DNAH7: variants seen among roughly 807,000 people sequenced by gnomAD.
The protein encoded by DNAH7 is dynein axonemal heavy chain 7.
Under a neutral mutation model 444.6 loss-of-function variants are expected in DNAH7, and 397 were observed. The observed-to-expected ratio is 0.89, with a 90% confidence interval of 0.82 to 0.97. The LOEUF is 0.97. Among genes scored for constraint, DNAH7 ranks in the 50% least tolerant of loss-of-function variants. The probability of loss-of-function intolerance (pLI) is 0.00; values close to 1 mark genes in which losing one functional copy is unlikely to be tolerated. For synonymous variants in DNAH7, 1,636 were observed against 1,624.4 expected, an observed-to-expected ratio of 1.01 and a Z score of -0.17; for missense variants, 4,902 against 4,800.8, an observed-to-expected ratio of 1.02 and a Z score of -0.62.
chr2:195,767,034 T>C (rs1171456395), intron 61 of DNAH7, among the ~76,000 whole-genome samples: 1 of 152,128 alleles, frequency 6.6e-6, no homozygotes, highest in Non-Finnish European at 1.5e-5. Flanking sequence ...TATGTTTGTT[T>C]TCTATTTCAT....
At chr2:195,963,144 G>A (rs1691225186) in intron 17 of DNAH7, among the ~76,000 whole-genome samples, 2 of 152,168 alleles carry the variant, frequency 1.3e-5, no homozygotes, top group African/African-American at 4.8e-5. Flanking sequence ...CGGGACTGCT[G>A]GATGATATGG....
chr2:195,885,917 C>T (rs1036709412), intron 34 of DNAH7, among the ~76,000 whole-genome samples: 1 of 152,212 alleles, frequency 6.6e-6, no homozygotes, highest in Admixed American at 6.5e-5. Flanking sequence ...GATGTGATCA[C>T]TGGGCTCCGC....
chr2:195,856,449 A>C (rs560718874), intron 44 of DNAH7, among the ~76,000 whole-genome samples: 1 of 152,302 alleles, frequency 6.6e-6, no homozygotes. Flanking sequence ...AAAAGGATGG[A>C]TCTAAATTCT....
chr2:195,931,461 C>A (rs1161746434), intron 21 of DNAH7, among the ~76,000 whole-genome samples: 2 of 151,684 alleles, frequency 1.3e-5, no homozygotes, highest in African/African-American at 4.9e-5. Context: ...CTTTTGTTGC[C>A]ATTGCTTTTG....
At chr2:195,743,545 A>G (rs1023088195) in intron 63 of DNAH7, among the ~76,000 whole-genome samples, 1 of 152,224 alleles carries the variant, frequency 6.6e-6, no homozygotes, top group African/African-American at 2.4e-5. Flanking sequence ...TAACAAAAAT[A>G]TGTCTAAAGT....
In DNAH7 at chr2:195,861,760, C is replaced by T. The variant is rs201185180; in HGVS notation, c.7693G>A (p.Glu2565Lys). 545 of 1,613,074 alleles carry T rather than the reference C, an allele frequency of 3.4e-4. No homozygotes were observed. The highest frequency in any genetic ancestry group is 2.8e-3 in the Middle Eastern group (17 of 6,058). ...AACAGTTTGAAGGTGGAGATTAATT[C>T]GAGGTAAGAGGTAGGAGTCACATAA... ...YNYVTPTSYL[E>K]LISTFKLLLE... The change falls in exon 42 of 65, where the codon GAA (glutamate) becomes AAA (lysine). Residue 2565 changes from glutamate (E) to lysine (K), a missense_variant. Coordinates refer to ENST00000312428, the MANE Select transcript of DNAH7 (RefSeq NM_018897.3).
At chr2:196,055,795 A>G (rs774383847) in intron 2 of DNAH7, among the ~76,000 whole-genome samples, 1 of 152,160 alleles carries the variant, frequency 6.6e-6, no homozygotes, top group Admixed American at 6.5e-5. Context: ...CAAATATCCA[A>G]AACACCCTAT....
chr2:195,862,493 C>A (rs978104491), intron 41 of DNAH7, among the ~76,000 whole-genome samples: 14 of 152,098 alleles, frequency 9.2e-5, no homozygotes, highest in African/African-American at 3.4e-4. Context: ...GTCACACTCC[C>A]CAATTTATAA....
At position 195,864,679 on chromosome 2, in the gene DNAH7, T is replaced by C; in HGVS notation, c.6976A>G (p.Ile2326Val). Residue 2326 changes from isoleucine to valine, a missense_variant, in exon 41 of 65, where the codon ATT becomes GTT. By Grantham distance (29) the Ile-to-Val change is conservative (BLOSUM62 3). Coordinates refer to ENST00000312428, the MANE Select transcript of DNAH7 (RefSeq NM_018897.3). Reference protein sequence around the residue: ...FRFAIEHISRISRILKQPRSH... With the variant: ...FRFAIEHISRVSRILKQPRSH... ...CGAGGCTGCTTCAGGATCCTGGAAA[T>C]TCTGCTGATGTGCTCTATGGCAAAT... 6.2e-7 allele frequency: 1 copy of C among 1,614,204 alleles called. No individual in the cohort carries two copies. The highest frequency in any genetic ancestry group is 1.1e-5 in the South Asian group (1 of 91,088).
chr2:195,888,311 A>C lies in DNAH7; in HGVS notation c.5353T>G (p.Leu1785Val), dbSNP rs752357217. 6.2e-7 allele frequency: 1 copy of C among 1,611,482 alleles called. No individual in the cohort carries two copies. The highest frequency in any genetic ancestry group is 1.7e-5 in the Admixed American group (1 of 59,482). Residue 1785 changes from leucine to valine, a missense_variant, in exon 33 of 65, where the codon TTA becomes GTA. By Grantham distance (32) the Leu-to-Val change is conservative. Coordinates refer to ENST00000312428, the MANE Select transcript of DNAH7 (RefSeq NM_018897.3). ...SVIQKEFIMG[L>V]FDRMVPVSVE... is the part of the protein sequence containing the mutation. ...GAAACAGGGACCATTCTGTCAAATA[A>C]GCCCATTATGAATTCCTTTTGAATA...
At chr2:195,933,408 T>C (rs1233851149) in intron 21 of DNAH7, among the ~76,000 whole-genome samples, 24 of 152,236 alleles carry the variant, frequency 1.6e-4, no homozygotes, top group Non-Finnish European at 1.2e-4. Context: ...GGTCTATACC[T>C]AAAGGATTAT....
chr2:195,891,892 G>C lies in DNAH7; in HGVS notation c.4897-88C>G, dbSNP rs977005076. 5 of 1,107,150 alleles carry C rather than the reference G, an allele frequency of 4.5e-6. No homozygotes were observed. The African/African-American group carries it at 6.4e-5, about 14-fold the overall frequency. The allele number at this position is 1,107,150 out of a possible 1,614,324, so 68.6% of individuals were successfully genotyped here. ...TATTGCACATACAGAAAATCCTAAG[G>C]AATCTACAAAGAAAGTATTAGAAGT... On this transcript the variant is annotated intron_variant, in intron 30 of 64. Coordinates refer to ENST00000312428, the MANE Select transcript of DNAH7 (RefSeq NM_018897.3).
chr2:195,854,255 T>C (rs1699565924), intron 45 of DNAH7, among the ~76,000 whole-genome samples: 1 of 152,240 alleles, frequency 6.6e-6, no homozygotes, highest in Non-Finnish European at 1.5e-5. Flanking sequence ...ATCATTATTC[T>C]TGGAAGAAGA....
chr2:195,807,167 CTTTTTTT>C (rs1696753541), intron 53 of DNAH7, among the ~76,000 whole-genome samples: 1 of 143,266 alleles, frequency 7.0e-6, no homozygotes, highest in Admixed American at 6.9e-5. Flanking sequence ...TTTTTTTTTT[CTTTTTTT>C]AAGATGGAGT....
At chr2:195,837,020 T>C (rs982428411) in intron 47 of DNAH7, among the ~76,000 whole-genome samples, 7 of 152,230 alleles carry the variant, frequency 4.6e-5, no homozygotes, top group East Asian at 1.9e-4. Context: ...AATTCATCCA[T>C]GTTATATTTA....
intron 61 of DNAH7, among the ~76,000 whole-genome samples, chr2:195,761,654 T>C (rs1423046458): frequency 6.6e-6 from 1 of 152,162 alleles, no homozygotes; most frequent in Non-Finnish European, 1.5e-5. Context: ...TTGGAAACCT[T>C]ACAGGCCATG....
rs1692967156 is a variant in DNAH7, at chr2:195,987,128, T to C, written c.1692A>G (p.Ala564=). The change falls in exon 14 of 65, where the codon GCA becomes GCG. Residue 564 remains alanine, a synonymous_variant. Transcript: ENST00000312428. ...CTAGAAGTTTCCCACAAATAATATC[T>C]GCTCGCTTCACCAAAGCTCTGATTA... ...EELIRALVKR[A]DIICGKLLAK... The C allele has an allele frequency of 5.6e-6, 9 of 1,609,192 alleles. No homozygotes were observed. Among genetic ancestry groups the C allele is most frequent in the Middle Eastern group, 1.6e-4 (1 of 6,074 alleles).
chr2:195,906,596 T>C, intron 27 of DNAH7, 63 bp downstream of exon 27: 1 of 1,529,388 alleles, frequency 6.5e-7, no homozygotes, highest in East Asian at 2.3e-5. Flanking sequence ...GCCCAGCTCT[T>C]TTCATATATT....
Position 195,875,881 on chromosome 2 carries a change from C to T in DNAH7, c.6118-38G>A, listed in dbSNP as rs371944981. 1.4e-5 allele frequency: 22 copies of T among 1,563,086 alleles called. No individual in the cohort carries two copies. In the African/African-American group the frequency reaches 2.9e-4, roughly 20 times the overall value. ...AGAGAAGAGGTACAGAAAATATTAA[C>T]ATCTCAACATACAGTCCTATTGTGT... On this transcript the variant is annotated intron_variant, in intron 37 of 64. Transcript: ENST00000312428.
Sources: allele counts gnomAD v4.1 joint callset (sites outside exome capture counted in the v4.1 genomes callset), GRCh38; gene constraint gnomAD v4.1.1; transcripts MANE v1.5; gene names NCBI Gene and HGNC (gene_info 2026-07-23, HGNC 2026-07-21).